The following CAPS2 variants were observed in gnomAD, a reference collection of about 807,000 sequenced individuals.
CAPS2 encodes calcyphosine 2.
In CAPS2, 98 loss-of-function variants were observed where a neutral mutation model predicts 86.5. That is an observed-to-expected ratio of 1.13 (90% confidence interval 0.96 to 1.34). CAPS2 has a LOEUF of 1.34. Among genes scored for constraint, CAPS2 ranks in the 40% most tolerant of loss-of-function variants. The pLI is 0.00. For missense variants in CAPS2, 729 were observed against 686.8 expected, an observed-to-expected ratio of 1.06 and a Z score of -0.69; for synonymous variants, 210 against 225.1, an observed-to-expected ratio of 0.93 and a Z score of 0.60.
chr12:75,369,796 A>G (rs2044237513), intron 1 of CAPS2: 10 of 982,150 alleles, frequency 1.0e-5, no homozygotes, highest in Non-Finnish European at 1.2e-5. Context: ...CATCGTAAAG[A>G]GTTTTAAGTA....
At chr12:75,309,382 G>A (rs2138747892) in intron 7 of CAPS2, among the ~76,000 whole-genome samples, 1 of 152,262 alleles carries the variant, frequency 6.6e-6, no homozygotes, top group South Asian at 2.1e-4. Flanking sequence ...CCAAGAACCT[G>A]GAACTACACG....
intron 11 of CAPS2, among the ~76,000 whole-genome samples, chr12:75,293,637 G>C (rs908837546): frequency 4.6e-5 from 7 of 151,960 alleles, no homozygotes; most frequent in African/African-American, 1.7e-4. Flanking sequence ...GAGAATGAGA[G>C]GAAAAAAGAA....
At chr12:75,285,219 A>T in intron 14 of CAPS2, 139 bp from the exon 15 acceptor site, 1 of 790,642 alleles carries the variant, frequency 1.3e-6, no homozygotes, top group Non-Finnish European at 1.8e-6. Flanking sequence ...GCTACATAAA[A>T]ATCCAATCAA....
chr12:75,314,624 G>T (rs1473773224), intron 6 of CAPS2, among the ~76,000 whole-genome samples: 1 of 151,454 alleles, frequency 6.6e-6, no homozygotes. Flanking sequence ...GTAAAGCAAG[G>T]TATTTTTTTA....
chr12:75,367,943 T>C (rs1176134315), intron 1 of CAPS2, among the ~76,000 whole-genome samples: 1 of 152,180 alleles, frequency 6.6e-6, no homozygotes, highest in East Asian at 1.9e-4. Flanking sequence ...TTGGTCCTCA[T>C]AGCCAGGTTA....
chr12:75,315,228 A>C (rs1304699182), intron 6 of CAPS2, among the ~76,000 whole-genome samples: 1 of 152,210 alleles, frequency 6.6e-6, no homozygotes. Context: ...TTTGAATTAC[A>C]TCAAGAACAA....
intron 1 of CAPS2, among the ~76,000 whole-genome samples, chr12:75,358,746 T>TATATATAAAACA (rs2043324848): frequency 7.4e-6 from 1 of 135,644 alleles, no homozygotes; most frequent in Non-Finnish European, 1.6e-5. Context: ...ATGGTTTAAA[T>TATATATAAAACA]ATATATAATA....
intron 1 of CAPS2, among the ~76,000 whole-genome samples, chr12:75,341,045 C>T (rs911179737): frequency 1.3e-5 from 2 of 151,586 alleles, no homozygotes; most frequent in Admixed American, 1.3e-4. Context: ...AAAAAAAGAA[C>T]ACCTAAACAT....
chr12:75,344,723 C>G (rs1487234527), intron 1 of CAPS2, among the ~76,000 whole-genome samples: 1 of 152,072 alleles, frequency 6.6e-6, no homozygotes, highest in Non-Finnish European at 1.5e-5. Context: ...CTGGGTTCAT[C>G]TGTATACTAT....
upstream of CAPS2, chr12:75,334,690 G>T: frequency 3.1e-6 from 5 of 1,590,332 alleles, no homozygotes; most frequent in Non-Finnish European, 4.3e-6. Context: ...TTACTGGTCC[G>T]CGCAGTCAGG....
At chr12:75,295,843 T>C (rs372843970) in intron 11 of CAPS2, among the ~76,000 whole-genome samples, 3 of 152,190 alleles carry the variant, frequency 2.0e-5, no homozygotes, top group East Asian at 3.8e-4. Flanking sequence ...TAGATCTTCA[T>C]AATAGAATAA....
Position 75,293,368 on chromosome 12 carries a change from C to A in CAPS2, c.1045-1G>T. 2 of 1,590,834 alleles carry A rather than the reference C, an allele frequency of 1.3e-6. No homozygotes were observed. The highest frequency in any genetic ancestry group is 1.7e-6 in the Non-Finnish European group (2 of 1,162,878). On this transcript the variant is annotated splice_acceptor_variant, in intron 11 of 16. Coordinates refer to ENST00000393284, the Ensembl canonical transcript of CAPS2. LOFTEE classifies it high-confidence loss of function. ...AACTCAAAAATGTCAAGGTTGCACC[C>A]TAAACAAAAGAACAGATGAATGAAG... is the stretch of plus-strand genomic sequence containing the variant.
rs1366403817 is a variant in CAPS2, at chr12:75,325,236, T to G, written c.131+3A>C. 6.5e-7 allele frequency: 1 copy of G among 1,549,244 alleles called. No homozygotes were observed. Among genetic ancestry groups the G allele is most frequent in the South Asian group, 1.2e-5 (1 of 83,600 alleles). ...AGTCCAAATGTGAAGAAACGTAACT[T>G]ACACTGGTGGGCAAGAATTCTGGTT... On this transcript the variant is annotated splice_donor_region_variant and intron_variant, in intron 2 of 16. Coordinates refer to ENST00000393284, the Ensembl canonical transcript of CAPS2.
At chr12:75,367,118 C>T in intron 1 of CAPS2, 1 of 680,740 alleles carries the variant, frequency 1.5e-6, no homozygotes, top group East Asian at 2.7e-5. Flanking sequence ...ATGGAGAAGA[C>T]ACTTTAGAAT....
In CAPS2 at chr12:75,289,601, G is replaced by T. The variant is rs755815175; in HGVS notation, c.1395+20C>A. ...AGAATAACATATTATCTGCTGCAGAGAATTTTCTGTAGCACATACCTTTTC... is the reference window on the plus strand; with the variant it reads ...AGAATAACATATTATCTGCTGCAGATAATTTTCTGTAGCACATACCTTTTC... On this transcript the variant is annotated intron_variant, in intron 14 of 16. Transcript: ENST00000393284. 5 of 1,587,566 alleles carry T rather than the reference G, an allele frequency of 3.1e-6. No homozygotes were observed. Among genetic ancestry groups the T allele is most frequent in the Non-Finnish European group, 4.3e-6 (5 of 1,169,004 alleles).
chr12:75,284,961 C>T lies in CAPS2; in HGVS notation c.1515G>A (p.Lys505=), dbSNP rs137966754. 232 of 1,595,926 alleles carry T rather than the reference C, an allele frequency of 1.5e-4. 3 individuals are homozygous for T. In the African/African-American group the frequency reaches 2.8e-3, roughly 19 times the overall value. The change falls in exon 15 of 17, where the codon AAG becomes AAA. Residue 505 remains lysine, a splice_region_variant and synonymous_variant. Coordinates refer to ENST00000393284, the Ensembl canonical transcript of CAPS2. The stretch of plus-strand genomic sequence containing the variant: ...TTGAAAGATTACTTAACAAAGTTAC[C>T]TTTCGAACATATGATTTCCTGTATT...
intron 11 of CAPS2, 91 bp from the exon 12 acceptor site, chr12:75,293,458 G>A (rs1159176665): frequency 2.5e-6 from 2 of 813,366 alleles, no homozygotes; most frequent in African/African-American, 1.7e-5. Context: ...TTTGATTAAT[G>A]TGACACGATA....
At chr12:75,279,908 G>T (rs1565749976) in intron 16 of CAPS2, among the ~76,000 whole-genome samples, 1 of 151,810 alleles carries the variant, frequency 6.6e-6, no homozygotes, top group Non-Finnish European at 1.5e-5. Context: ...TTGAACAGAG[G>T]AGTTTTAACA....
rs186115197 is a variant in CAPS2 at position 75,380,170 on chromosome 12, C to T, written c.-395+10668G>A. On this transcript the variant is annotated intron_variant, in intron 1 of 5. Transcript: ENST00000551829. ...GGAATATAAAAAGAAACACTTCTGA[C>T]GGTTTTATATTATTTGCTTGCATTT... 3.9e-3 allele frequency among the ~76,000 whole-genome samples: 599 copies of T among 152,174 alleles called. 2 individuals are homozygous for T. The highest frequency in any genetic ancestry group is 5.4e-3 in the Admixed American group (83 of 15,274).
Sources: allele counts gnomAD v4.1 joint callset (sites outside exome capture counted in the v4.1 genomes callset), GRCh38; gene constraint gnomAD v4.1.1; transcripts MANE v1.5; gene names NCBI Gene and HGNC (gene_info 2026-07-23, HGNC 2026-07-21).